Variants in SNX24 observed in about 807,000 individuals in gnomAD.
The protein encoded by SNX24 is sorting nexin 24, also known as sorting nexin-24.
A neutral mutation model predicts 28.7 loss-of-function variants in SNX24; 22 were observed. The observed-to-expected ratio is 0.77, with a 90% CI of 0.55 to 1.10. The LOEUF is 1.10. Among genes scored for constraint, SNX24 ranks in the 50% least tolerant of loss-of-function variants. The probability of loss-of-function intolerance (pLI) is 0.00; values close to 1 mark genes in which losing one functional copy is unlikely to be tolerated. For missense variants in SNX24, 221 were observed against 201.1 expected (o/e 1.10, Z -0.60); for synonymous variants, 69 against 71.5 (o/e 0.96, Z 0.18).
intron 1 of SNX24, among the ~76,000 whole-genome samples, chr5:122,853,473 C>T (rs995403439): frequency 6.6e-6 from 1 of 152,152 alleles, no homozygotes; most frequent in African/African-American, 2.4e-5. Flanking sequence ...TGAAAACATT[C>T]TTCTTGAACA....
intron 1 of SNX24, among the ~76,000 whole-genome samples, chr5:122,911,848 T>C (rs1306240468): frequency 6.9e-6 from 1 of 144,012 alleles, no homozygotes; most frequent in Non-Finnish European, 1.5e-5. Context: ...TTGGTACCAG[T>C]ACCATGCTGT....
chr5:122,953,453 G>GA (rs1760055935), intron 3 of SNX24, among the ~76,000 whole-genome samples: 1 of 151,658 alleles, frequency 6.6e-6, no homozygotes, highest in Non-Finnish European at 1.5e-5. Flanking sequence ...AACAAAGAAT[G>GA]ACAGAATCCT....
chr5:122,974,175 A>G (rs892633913), intron 3 of SNX24, among the ~76,000 whole-genome samples: 1 of 152,218 alleles, frequency 6.6e-6, no homozygotes, highest in Non-Finnish European at 1.5e-5. Flanking sequence ...GTATCTCAAC[A>G]GGCCCCACAC....
chr5:122,969,547 T>G (rs1760865297), intron 3 of SNX24, among the ~76,000 whole-genome samples: 1 of 152,192 alleles, frequency 6.6e-6, no homozygotes, highest in South Asian at 2.1e-4. Flanking sequence ...GGATTCAGGA[T>G]GAAATCGTAA....
chr5:123,021,160 A>T (rs1313688692), intron 5 of SNX24, among the ~76,000 whole-genome samples: 1 of 123,050 alleles, frequency 8.1e-6, no homozygotes, highest in Non-Finnish European at 1.7e-5. Flanking sequence ...CCCGCTGACC[A>T]CCCCTTCACT....
At chr5:123,005,059 TTAAAG>T (rs1462377571) in intron 6 of SNX24, among the ~76,000 whole-genome samples, 1 of 152,182 alleles carries the variant, frequency 6.6e-6, no homozygotes, top group Non-Finnish European at 1.5e-5. Flanking sequence ...AATCCACAGT[TTAAAG>T]TAGAGTGGAA....
intron 2 of SNX24, among the ~76,000 whole-genome samples, chr5:122,940,820 G>T (rs1319049665): frequency 6.6e-6 from 1 of 152,128 alleles, no homozygotes; most frequent in African/African-American, 2.4e-5. Flanking sequence ...ACATCCACCT[G>T]CCTTGGCCTC....
chr5:122,951,206 G>C (rs1484384399), intron 3 of SNX24, among the ~76,000 whole-genome samples: 4 of 146,176 alleles, frequency 2.7e-5, no homozygotes, highest in Non-Finnish European at 4.5e-5. Flanking sequence ...GATGGAAGTT[G>C]CAGTGAGCTG....
At chr5:122,921,151 CT>C (rs200873407) in intron 1 of SNX24, among the ~76,000 whole-genome samples, 156 of 145,192 alleles carry the variant, frequency 1.1e-3, no homozygotes, top group African/African-American at 8.8e-4. Flanking sequence ...CTGTAGCCTG[CT>C]TTTTTTTTTT....
chr5:122,916,352 C>T (rs1163105246), intron 1 of SNX24, among the ~76,000 whole-genome samples: 1 of 152,162 alleles, frequency 6.6e-6, no homozygotes, highest in Non-Finnish European at 1.5e-5. Context: ...GAGTTGGTTC[C>T]TTCTGGTACA....
intron 3 of SNX24, among the ~76,000 whole-genome samples, chr5:122,946,919 A>AC (rs1658597214): frequency 6.6e-6 from 1 of 152,292 alleles, no homozygotes; most frequent in East Asian, 1.9e-4. Context: ...GTCAGCCAGT[A>AC]CCATTCTGCC....
intron 3 of SNX24, among the ~76,000 whole-genome samples, chr5:122,964,464 CAAAATT>C (rs1418341427): frequency 6.6e-6 from 1 of 151,810 alleles, no homozygotes; most frequent in African/African-American, 2.4e-5. Flanking sequence ...CCCATAATGT[CAAAATT>C]ATAGTATGCC....
At chr5:122,938,239 TAG>T (rs1206524981) in intron 2 of SNX24, among the ~76,000 whole-genome samples, 7 of 152,126 alleles carry the variant, frequency 4.6e-5, no homozygotes, top group Non-Finnish European at 1.0e-4. Context: ...TCTGCTCTAG[TAG>T]AGTTTATTTT....
At chr5:122,894,150 A>G (rs1757102714) in intron 1 of SNX24, among the ~76,000 whole-genome samples, 1 of 152,150 alleles carries the variant, frequency 6.6e-6, no homozygotes, top group African/African-American at 2.4e-5. Flanking sequence ...TTTAAATGTA[A>G]ATTTATAAAT....
intron 1 of SNX24, among the ~76,000 whole-genome samples, chr5:122,856,833 A>C (rs1561511057): frequency 1.3e-5 from 2 of 151,970 alleles, no homozygotes; most frequent in African/African-American, 4.8e-5. Flanking sequence ...TAATGGTTAA[A>C]AGCTGTAAAT....
At chr5:122,857,944 G>T (rs1294443530) in intron 1 of SNX24, among the ~76,000 whole-genome samples, 5 of 151,956 alleles carry the variant, frequency 3.3e-5, no homozygotes, top group Admixed American at 3.3e-4. Context: ...CACGATGCCC[G>T]GCTAATTTTT....
At chr5:123,029,114 A>C (rs976202619) in intron 5 of SNX24, 4 of 1,064,444 alleles carry the variant, frequency 3.8e-6, no homozygotes, top group African/African-American at 3.2e-5. Context: ...CTTGATGATG[A>C]TTTTCTCCCA....
At chr5:123,025,711 A>G (rs1297778722) in intron 5 of SNX24, 3 of 1,442,808 alleles carry the variant, frequency 2.1e-6, no homozygotes, top group Non-Finnish European at 2.9e-6. Flanking sequence ...ATATTTTAAG[A>G]TTAAAATAAA....
chr5:122,933,769 G>A (rs1242209301), intron 1 of SNX24, among the ~76,000 whole-genome samples: 1 of 151,784 alleles, frequency 6.6e-6, no homozygotes, highest in East Asian at 1.9e-4. Flanking sequence ...AGTGAAAACA[G>A]TCCTTGTCCA....
Sources: gnomAD v4.1 joint callset for allele counts (sites outside exome capture counted in the v4.1 genomes callset) on GRCh38, gnomAD v4.1.1 for gene constraint, MANE v1.5 for transcripts, NCBI Gene and HGNC (gene_info 2026-07-23, HGNC 2026-07-21) for gene names.